The following GRID1 variants were observed in gnomAD, a reference collection of about 807,000 sequenced individuals.
GRID1 encodes glutamate ionotropic receptor delta type subunit 1, also known as glutamate receptor ionotropic, delta-1.
GRID1 carries 28 observed loss-of-function variants against 98.0 expected under a neutral mutation model. The observed-to-expected ratio is 0.29, with a 90% confidence interval of 0.21 to 0.39. The LOEUF is 0.39. GRID1 is among the 10% of genes least tolerant of loss of function. The pLI, the probability that GRID1 is intolerant of heterozygous loss-of-function variation, is 1.00. For missense variants in GRID1, 1,111 were observed against 1,340.5 expected, an observed-to-expected ratio of 0.83 and a Z score of 2.67; for synonymous variants, 553 against 538.5, an observed-to-expected ratio of 1.03 and a Z score of -0.37.
chr10:85,841,140 C>T (rs12254683), intron 8 of GRID1, among the ~76,000 whole-genome samples: 33,280 of 152,004 alleles, frequency 0.22, 3,830 homozygotes, highest in South Asian at 0.27. Context: ...CAAAAACAGA[C>T]ATCTATACCA....
intron 5 of GRID1, among the ~76,000 whole-genome samples, chr10:85,873,948 T>C (rs1412820133): frequency 6.6e-6 from 1 of 152,242 alleles, no homozygotes; most frequent in Non-Finnish European, 1.5e-5. Flanking sequence ...GGCTGATAGG[T>C]GCAGCTCAGC....
intron 15 of GRID1, among the ~76,000 whole-genome samples, chr10:85,610,343 C>T (rs901101974): frequency 5.3e-5 from 8 of 152,194 alleles, no homozygotes; most frequent in African/African-American, 1.9e-4. Context: ...TTAAGTCCTT[C>T]GGAGCAGGCC....
intron 8 of GRID1, among the ~76,000 whole-genome samples, chr10:85,795,022 A>C (rs764955077): frequency 6.6e-6 from 1 of 152,214 alleles, no homozygotes; most frequent in Non-Finnish European, 1.5e-5. Flanking sequence ...AATGATGAAA[A>C]TATAGAAAAA....
At chr10:86,333,731 A>C (rs932670929) in intron 2 of GRID1, among the ~76,000 whole-genome samples, 1 of 152,226 alleles carries the variant, frequency 6.6e-6, no homozygotes, top group Non-Finnish European at 1.5e-5. Context: ...TAGAGAAAAG[A>C]ATCATAAGGA....
At chr10:86,161,677 C>G (rs1224419649) in intron 3 of GRID1, among the ~76,000 whole-genome samples, 3 of 152,194 alleles carry the variant, frequency 2.0e-5, no homozygotes, top group Non-Finnish European at 4.4e-5. Context: ...TGCTGCACAT[C>G]TCAGCCACAT....
intron 3 of GRID1, among the ~76,000 whole-genome samples, chr10:86,147,145 G>A (rs1031205203): frequency 4.6e-5 from 7 of 152,154 alleles, no homozygotes; most frequent in Admixed American, 2.0e-4. Flanking sequence ...ATCTGAGAGC[G>A]TCTTGTCTGG....
chr10:85,974,302 G>A (rs1054573661), intron 4 of GRID1, among the ~76,000 whole-genome samples: 11 of 152,032 alleles, frequency 7.2e-5, no homozygotes, highest in Admixed American at 2.0e-4. Flanking sequence ...GTTTTGTTTT[G>A]TTTTGTTTTG....
chr10:85,736,052 A>AAGAAGGAAGGAGAGAGGGAAGGAAGGAG (rs1459842321), intron 8 of GRID1, among the ~76,000 whole-genome samples: 2 of 136,398 alleles, frequency 1.5e-5, no homozygotes, highest in East Asian at 4.9e-4. Context: ...GGAGAAAGGA[A>AAGAAGGAAGGAGAGAGGGAAGGAAGGAG]AGAAGGAAGG....
intron 2 of GRID1, among the ~76,000 whole-genome samples, chr10:86,251,557 C>T (rs192811201): frequency 1.3e-5 from 2 of 152,206 alleles, no homozygotes; most frequent in Non-Finnish European, 2.9e-5. Context: ...CAGCCCTCTG[C>T]TTGCCTCCCT....
At chr10:86,107,807 C>A (rs1368133446) in intron 4 of GRID1, among the ~76,000 whole-genome samples, 2 of 152,168 alleles carry the variant, frequency 1.3e-5, no homozygotes, top group African/African-American at 4.8e-5. Context: ...CAGAACAACG[C>A]AGAATTTGGC....
chr10:85,798,550 T>A (rs762304593), intron 8 of GRID1, among the ~76,000 whole-genome samples: 1 of 152,178 alleles, frequency 6.6e-6, no homozygotes, highest in Non-Finnish European at 1.5e-5. Context: ...TTTTTTGTAA[T>A]AGCCATTCTA....
At chr10:86,113,742 G>C (rs532989879) in intron 4 of GRID1, among the ~76,000 whole-genome samples, 1 of 152,290 alleles carries the variant, frequency 6.6e-6, no homozygotes, top group South Asian at 2.1e-4. Flanking sequence ...GGGTGAGCTG[G>C]TGGGGCTGGG....
chr10:85,818,115 G>A (rs2131748522), intron 8 of GRID1, among the ~76,000 whole-genome samples: 1 of 152,274 alleles, frequency 6.6e-6, no homozygotes, highest in South Asian at 2.1e-4. Flanking sequence ...GTATCCAAAG[G>A]TTGGACAAAT....
chr10:85,960,075 G>A (rs1234803565), intron 4 of GRID1, among the ~76,000 whole-genome samples: 2 of 151,978 alleles, frequency 1.3e-5, no homozygotes, highest in African/African-American at 4.8e-5. Context: ...TAGAGACAGG[G>A]TTTCACCATT....
intron 2 of GRID1, among the ~76,000 whole-genome samples, chr10:86,338,000 A>T (rs1848250942): frequency 6.6e-6 from 1 of 152,134 alleles, no homozygotes. Context: ...GAGCCACCGT[A>T]CCTGGCCTGG....
chr10:85,976,128 C>A (rs1157313018), intron 4 of GRID1, among the ~76,000 whole-genome samples: 1 of 152,170 alleles, frequency 6.6e-6, no homozygotes, highest in Admixed American at 6.5e-5. Flanking sequence ...CTATTCTCTT[C>A]TCTTTTTTCC....
chr10:85,723,546 A>G (rs929347621), intron 11 of GRID1, among the ~76,000 whole-genome samples: 1 of 152,184 alleles, frequency 6.6e-6, no homozygotes, highest in Admixed American at 6.5e-5. Context: ...AATTCTGTAA[A>G]TATAGAAATA....
intron 12 of GRID1, among the ~76,000 whole-genome samples, chr10:85,667,316 CAGAGAG>C (rs5786718): frequency 1.0e-4 from 15 of 148,896 alleles, no homozygotes; most frequent in Admixed American, 4.0e-4. Context: ...CACACACACA[CAGAGAG>C]AGAGAGAGAG....
At chr10:86,231,281 G>C (rs1366030144) in intron 2 of GRID1, among the ~76,000 whole-genome samples, 3 of 152,186 alleles carry the variant, frequency 2.0e-5, no homozygotes, top group Non-Finnish European at 4.4e-5. Context: ...GGGAGGCAGG[G>C]GGCCCGGGCT....
Sources: allele counts gnomAD v4.1 joint callset (sites outside exome capture counted in the v4.1 genomes callset), GRCh38; gene constraint gnomAD v4.1.1; transcripts MANE v1.5; gene names NCBI Gene and HGNC (gene_info 2026-07-23, HGNC 2026-07-21).